HSF2: variants seen among roughly 807,000 people sequenced by gnomAD.
HSF2 encodes heat shock transcription factor 2, also known as heat shock factor protein 2.
HSF2 carries 21 observed loss-of-function variants against 65.0 expected under a neutral mutation model. The observed-to-expected ratio is 0.32, with a 90% CI of 0.23 to 0.47. The LOEUF is 0.47. Among genes scored for constraint, HSF2 ranks in the 20% least tolerant of loss-of-function variants. The pLI, the probability that HSF2 is intolerant of heterozygous loss-of-function variation, is 1.00. For missense variants in HSF2, 499 were observed against 628.1 expected (o/e 0.79, Z 2.20); for synonymous variants, 225 against 219.1 (o/e 1.03, Z -0.24).
intron 10 of HSF2, 144 bp from the exon 11 acceptor site, chr6:122,427,759 C>T (rs1406661688): frequency 2.3e-6 from 1 of 439,060 alleles, no homozygotes; most frequent in Non-Finnish European, 4.1e-6. Flanking sequence ...TTCTGCTTTT[C>T]TCTTTCAAAC....
chr6:122,419,061 G>A, intron 5 of HSF2, 107 bp from the exon 6 acceptor site: 1 of 606,812 alleles, frequency 1.6e-6, no homozygotes, highest in South Asian at 1.9e-5. Context: ...GAGAAATTAT[G>A]AGACTTAGAG....
At chr6:122,428,783 C>T (rs910710315) in intron 11 of HSF2, among the ~76,000 whole-genome samples, 3 of 151,908 alleles carry the variant, frequency 2.0e-5, no homozygotes, top group African/African-American at 4.8e-5. Flanking sequence ...GGAATTTATA[C>T]GATTATTGTC....
intron 12 of HSF2, 126 bp downstream of exon 12, chr6:122,431,640 T>C (rs796363746): frequency 7.2e-6 from 4 of 555,102 alleles, no homozygotes; most frequent in African/African-American, 5.9e-5. Context: ...GTCGAGGTTC[T>C]AGTATATAGA....
chr6:122,431,415 A>T lies in HSF2; in HGVS notation c.1231-15A>T, dbSNP rs571525953. The stretch of plus-strand genomic sequence containing the variant: ...ATATGAAACAAGTACTTATATATAT[A>T]TTTTTTTCTTTTAGTCTGAGAATAA... On this transcript the variant is annotated splice_polypyrimidine_tract_variant and intron_variant, in intron 11 of 12. Transcript: ENST00000368455. 171 of 1,344,520 alleles carry T rather than the reference A, an allele frequency of 1.3e-4. No individual in the cohort carries two copies. Among genetic ancestry groups the T allele is most frequent in the East Asian group, 9.5e-4 (38 of 40,084 alleles). 83.3% of individuals were successfully genotyped at this position (1,344,520 alleles called of 1,614,324 possible).
Position 122,420,713 on chromosome 6 carries a change from T to C in HSF2, c.681+491T>C, listed in dbSNP as rs1263237515. ...GTTTATTCATTTCTTTTTTTTTTTT[T>C]TTTTTTTTTTTTTTTTGAGATGGGA... On this transcript the variant is annotated intron_variant, in intron 7 of 12. Coordinates refer to ENST00000368455, the MANE Select transcript of HSF2 (RefSeq NM_004506.4). Among the ~76,000 whole-genome samples the C allele has an allele frequency of 1.9e-3, 198 of 105,638 alleles. 5 individuals are homozygous for C. The East Asian group carries it at 0.039, about 21-fold the overall frequency. 69.3% of individuals were successfully genotyped at this position (105,638 alleles called of 152,430 possible). A position where few individuals can be genotyped will look rare whatever the true frequency, so the allele number is the denominator to read the frequency against.
At chr6:122,416,474 A>C (rs1190724485) in intron 5 of HSF2, among the ~76,000 whole-genome samples, 178 bp downstream of exon 5, 3 of 152,220 alleles carry the variant, frequency 2.0e-5, no homozygotes, top group Non-Finnish European at 4.4e-5. Flanking sequence ...TTTTAATAAA[A>C]AATTTCTCAC....
chr6:122,416,022 T>TA (rs539621573), intron 4 of HSF2, among the ~76,000 whole-genome samples, 199 bp from the exon 5 acceptor site: 1 of 151,950 alleles, frequency 6.6e-6, no homozygotes, highest in Non-Finnish European at 1.5e-5. Context: ...ACCTTTTTTT[T>TA]AAAAAAAGAA....
Position 122,420,217 on chromosome 6 carries a change from C to A in HSF2, c.676C>A (p.His226Asn). Reference sequence around the variant, plus strand: ...CAAAGAACCAACTGATAATCATCATCATAAAGTAATTTTTTAGTTAGGGTC... The same window carrying A: ...CAAAGAACCAACTGATAATCATCATAATAAAGTAATTTTTTAGTTAGGGTC... ...IVKEPTDNHH[H>N]KVPHSRTEGL... The change falls in exon 7 of 13, where the codon CAT (histidine) becomes AAT (asparagine). Residue 226 changes from histidine (H) to asparagine (N), a missense_variant. By Grantham distance (68) the His-to-Asn change is moderately conservative. Transcript: ENST00000368455. 1 of 1,592,134 alleles carries A rather than the reference C, an allele frequency of 6.3e-7. No individual in the cohort carries two copies. Among genetic ancestry groups the A allele is most frequent in the Non-Finnish European group, 8.6e-7 (1 of 1,163,484 alleles).
At chr6:122,413,944 A>G (rs1008608235) in intron 4 of HSF2, among the ~76,000 whole-genome samples, 17 of 152,282 alleles carry the variant, frequency 1.1e-4, no homozygotes, top group Non-Finnish European at 1.5e-5. Flanking sequence ...AAGATGATGT[A>G]GGAAATATGA....
rs1002730747 is a variant in HSF2 at position 122,432,814 on chromosome 6, A to C, written c.*594A>C. ...AATGCTCGCTGTCTGATAGGGTTCCAGCTCCATATATATAGAAAGATCGGG... is the reference window on the plus strand; with the variant it reads ...AATGCTCGCTGTCTGATAGGGTTCCCGCTCCATATATATAGAAAGATCGGG... On this transcript the variant is annotated 3_prime_UTR_variant, in exon 13 of 13. Coordinates refer to ENST00000368455, the MANE Select transcript of HSF2 (RefSeq NM_004506.4). The C allele has an allele frequency of 1.3e-5, 2 of 152,426 alleles. No homozygotes were observed. The highest frequency in any genetic ancestry group is 4.8e-5 in the African/African-American group (2 of 41,458). The allele number at this position is 152,426 out of a possible 1,614,324, so 9.4% of individuals were successfully genotyped here.
intron 6 of HSF2, among the ~76,000 whole-genome samples, chr6:122,419,548 G>A (rs1031591842): frequency 6.6e-6 from 1 of 151,898 alleles, no homozygotes; most frequent in Admixed American, 6.6e-5. Flanking sequence ...TTTAAAAAGA[G>A]GCCATATGTT....
chr6:122,415,605 A>G (rs908277409), intron 4 of HSF2, among the ~76,000 whole-genome samples: 1 of 152,218 alleles, frequency 6.6e-6, no homozygotes, highest in African/African-American at 2.4e-5. Flanking sequence ...TAAGCAAAAA[A>G]TAATGAGCCA....
At position 122,413,789 on chromosome 6, in the gene HSF2, G is replaced by T. The variant is rs1774056766; in HGVS notation, c.455+140G>T. 6 of 692,854 alleles carry T rather than the reference G, an allele frequency of 8.7e-6. No homozygotes were observed. In the South Asian group the frequency reaches 1.1e-4, roughly 13 times the overall value. 42.9% of individuals were successfully genotyped at this position (692,854 alleles called of 1,614,324 possible). A position where few individuals can be genotyped will look rare whatever the true frequency, so the allele number is the denominator to read the frequency against. ...AGCCAAGATCAAAGGTCATTTTTCT[G>T]CAAGTATTGGTTCCCTTTACTTTGA... On this transcript the variant is annotated intron_variant, in intron 4 of 12. Transcript: ENST00000368455.
chr6:122,432,699 A>C lies in HSF2; in HGVS notation c.*479A>C, dbSNP rs1774503785. On this transcript the variant is annotated 3_prime_UTR_variant, in exon 13 of 13. Coordinates refer to ENST00000368455, the MANE Select transcript of HSF2 (RefSeq NM_004506.4). Reference sequence around the variant, plus strand: ...GGAACATAAAGTGCCTGTATCTTGTAAAACTTCATTTGTTTCTTTTGGTTC... The same window carrying C: ...GGAACATAAAGTGCCTGTATCTTGTCAAACTTCATTTGTTTCTTTTGGTTC... 6.5e-6 allele frequency: 1 copy of C among 153,830 alleles called. No homozygotes were observed. Among genetic ancestry groups the C allele is most frequent in the Non-Finnish European group, 1.4e-5 (1 of 69,224 alleles). 9.5% of individuals were successfully genotyped at this position (153,830 alleles called of 1,614,324 possible). A position where few individuals can be genotyped will look rare whatever the true frequency, so the allele number is the denominator to read the frequency against.
At position 122,399,683 on chromosome 6, in the gene HSF2, C is replaced by CGTAGCTGCCGCT. The variant is rs2114411053; in HGVS notation, c.-54_-53insTAGCTGCCGCTG. On this transcript the variant is annotated 5_prime_UTR_variant, in exon 1 of 13. Transcript: ENST00000368455. Reference sequence around the variant, plus strand: ...GGGGAGCTGCTGCCGTAGCTGCCGCCGCCGCTACCACCGCGTTCGGGTGTA... The same window carrying CGTAGCTGCCGCT: ...GGGGAGCTGCTGCCGTAGCTGCCGCCGTAGCTGCCGCTGCCGCTACCACCGCGTTCGGGTGTA... The CGTAGCTGCCGCT allele has an allele frequency of 6.8e-7, 1 of 1,475,498 alleles. No individual in the cohort carries two copies. The highest frequency in any genetic ancestry group is 9.4e-7 in the Non-Finnish European group (1 of 1,064,482). 91.4% of individuals were successfully genotyped at this position (1,475,498 alleles called of 1,614,324 possible).
chr6:122,403,876 C>T (rs182555892), intron 1 of HSF2, among the ~76,000 whole-genome samples: 11 of 152,214 alleles, frequency 7.2e-5, no homozygotes, highest in East Asian at 5.8e-4. Flanking sequence ...ACTGGTGAAA[C>T]TTGATATTCA....
At chr6:122,402,525 C>T (rs2114416384) in intron 1 of HSF2, among the ~76,000 whole-genome samples, 1 of 151,730 alleles carries the variant, frequency 6.6e-6, no homozygotes, top group African/African-American at 2.4e-5. Context: ...CTTTGAATTT[C>T]CAAGTGGCAG....
At position 122,411,072 on chromosome 6, in the gene HSF2, C is replaced by T. The variant is rs535166142; in HGVS notation, c.94-1301C>T. On this transcript the variant is annotated intron_variant, in intron 1 of 12. Coordinates refer to ENST00000368455, the MANE Select transcript of HSF2 (RefSeq NM_004506.4). ...CAACCACACTATTTTAACATTCCCA[C>T]CAATAATGCACCAATATTCCAATTT... Among the ~76,000 whole-genome samples, 5 of 151,462 alleles carry T rather than the reference C, an allele frequency of 3.3e-5. No individual in the cohort carries two copies. In the East Asian group the frequency reaches 9.7e-4, roughly 29 times the overall value.
In HSF2 at chr6:122,432,160, T is replaced by C; in HGVS notation, c.1551T>C (p.Phe517=). ...CTGAAGCTAGTGAAGCTACACTGTTTTATTTATGTGAACTTGCTCCTGCAC... is the reference window on the plus strand; with the variant it reads ...CTGAAGCTAGTGAAGCTACACTGTTCTATTTATGTGAACTTGCTCCTGCAC... ...TEAEASEATL[F]YLCELAPAPL... The change falls in exon 13 of 13, where the codon TTT becomes TTC. Residue 517 remains phenylalanine, a synonymous_variant. Coordinates refer to ENST00000368455, the MANE Select transcript of HSF2 (RefSeq NM_004506.4). 1 of 1,614,112 alleles carries C rather than the reference T, an allele frequency of 6.2e-7. No homozygotes were observed. Among genetic ancestry groups the C allele is most frequent in the Non-Finnish European group, 8.5e-7 (1 of 1,179,980 alleles).
Sources: allele counts gnomAD v4.1 joint callset (sites outside exome capture counted in the v4.1 genomes callset), GRCh38; gene constraint gnomAD v4.1.1; transcripts MANE v1.5; gene names NCBI Gene and HGNC (gene_info 2026-07-23, HGNC 2026-07-21).